DYNLT1: variants seen among roughly 807,000 people sequenced by gnomAD.
The protein encoded by DYNLT1 is dynein light chain Tctex-type 1.
Under a neutral mutation model 19.6 loss-of-function variants are expected in DYNLT1, and 18 were observed. That is an observed-to-expected ratio of 0.92 (90% CI 0.64 to 1.36). The LOEUF (loss-of-function observed/expected upper bound fraction) is 1.36. Among genes scored for constraint, DYNLT1 ranks in the 40% most tolerant of loss-of-function variants. The pLI, the probability that DYNLT1 is intolerant of heterozygous loss-of-function variation, is 0.00. For synonymous variants in DYNLT1, 56 were observed against 44.0 expected (o/e 1.27, Z -1.07); for missense variants, 137 against 139.3 (o/e 0.98, Z 0.08).
In DYNLT1 at chr6:158,636,792, G is replaced by A. The variant is rs1185418140; in HGVS notation, c.*35C>T. 6.3e-7 allele frequency: 1 copy of A among 1,590,360 alleles called. No homozygotes were observed. The highest frequency in any genetic ancestry group is 2.1e-4 in the Middle Eastern group (1 of 4,738). ...GCTGGTGGTTAGAGGATGAACTAGA[G>A]ACAAAAGGAGAAAGGCCATAGGCTG... On this transcript the variant is annotated 3_prime_UTR_variant, in exon 5 of 5. Coordinates refer to ENST00000367089, the MANE Select transcript of DYNLT1 (RefSeq NM_006519.4).
chr6:158,643,208 T>A (rs1189863632), intron 1 of DYNLT1, among the ~76,000 whole-genome samples: 1 of 152,200 alleles, frequency 6.6e-6, no homozygotes, highest in Non-Finnish European at 1.5e-5. Flanking sequence ...TTTTTAGAAG[T>A]TTTACTCGAT....
chr6:158,639,178 A>G (rs946019876), intron 2 of DYNLT1, among the ~76,000 whole-genome samples: 1 of 152,136 alleles, frequency 6.6e-6, no homozygotes, highest in Non-Finnish European at 1.5e-5. Flanking sequence ...AAACCTCCCT[A>G]GGTCACTCTG....
chr6:158,637,796 C>G lies in DYNLT1; in HGVS notation c.168G>C (p.Lys56Asn), dbSNP rs1334009516. 1.2e-6 allele frequency: 2 copies of G among 1,614,016 alleles called. No homozygotes were observed. The highest frequency in any genetic ancestry group is 1.7e-6 in the Non-Finnish European group (2 of 1,180,038). Residue 56 changes from lysine (K) to asparagine (N), a missense_variant, in exon 3 of 5, where the codon AAG becomes AAC. Physicochemically the swap from Lys to Asn is moderately conservative, Grantham distance 94. Coordinates refer to ENST00000367089, the MANE Select transcript of DYNLT1 (RefSeq NM_006519.4). The part of the protein sequence containing the change: ...VVEQTLSQLT[K>N]LGKPFKYIVT... ...CGATGTATTTAAATGGTTTTCCCAG[C>G]TTGGTGAGTTGGCTTAAAGTTTGTT...
Position 158,636,771 on chromosome 6 carries a change from G to C in DYNLT1, c.*56C>G. The C allele has an allele frequency of 6.5e-7, 1 of 1,530,646 alleles. No individual in the cohort carries two copies. The highest frequency in any genetic ancestry group is 1.2e-5 in the South Asian group (1 of 85,352). The allele number at this position is 1,530,646 out of a possible 1,614,324, so 94.8% of individuals were successfully genotyped here. A position where few individuals can be genotyped will look rare whatever the true frequency, so the allele number is the denominator to read the frequency against. On this transcript the variant is annotated 3_prime_UTR_variant, in exon 5 of 5. Transcript: ENST00000367089. ...AAAGAGTTCACTGAATTCATGGCTGGTGGTTAGAGGATGAACTAGAGACAA... is the reference window on the plus strand; with the variant it reads ...AAAGAGTTCACTGAATTCATGGCTGCTGGTTAGAGGATGAACTAGAGACAA...
Position 158,641,562 on chromosome 6 carries a change from ATTGTT to A in DYNLT1, c.28-207_28-203del, listed in dbSNP as rs369981273. ...GAATACATGCACATAATTTAAAGGT[ATTGTT>A]TTATTTTTATTTATTTATTTTTGAG... is the stretch of plus-strand genomic sequence containing the variant. On this transcript the variant is annotated intron_variant, in intron 1 of 4. Transcript: ENST00000367089. The A allele has an allele frequency of 1.2e-3, 478 of 407,186 alleles. 6 individuals carry two copies. In the East Asian group the frequency reaches 0.016, roughly 14 times the overall value. The allele number at this position is 407,186 out of a possible 1,614,324, so 25.2% of individuals were successfully genotyped here. A position where few individuals can be genotyped will look rare whatever the true frequency, so the allele number is the denominator to read the frequency against.
At position 158,636,834 on chromosome 6, in the gene DYNLT1, G is replaced by A; in HGVS notation, c.335C>T (p.Ser112Phe). 1 of 1,611,106 alleles carries A rather than the reference G, an allele frequency of 6.2e-7. No homozygotes were observed. The highest frequency in any genetic ancestry group is 8.5e-7 in the Non-Finnish European group (1 of 1,178,738). ...MYCIVSAFGLSI is the reference protein window; with the variant it reads ...MYCIVSAFGLFI Reference sequence around the variant, plus strand: ...CATAGGCTGGACTGCAGGTCAAATAGACAGTCCGAAGGCACTGACGATGCA... The same window carrying A: ...CATAGGCTGGACTGCAGGTCAAATAAACAGTCCGAAGGCACTGACGATGCA... The change falls in exon 5 of 5, where the codon TCT becomes TTT. Residue 112 changes from serine (S) to phenylalanine (F), a missense_variant. By Grantham distance (155) the Ser-to-Phe change is radical. Coordinates refer to ENST00000367089, the MANE Select transcript of DYNLT1 (RefSeq NM_006519.4).
At chr6:158,639,783 C>T (rs1340540320) in intron 2 of DYNLT1, among the ~76,000 whole-genome samples, 4 of 152,098 alleles carry the variant, frequency 2.6e-5, no homozygotes, top group South Asian at 2.1e-4. Flanking sequence ...CGGGTTCAAG[C>T]GATTCTCCTG....
chr6:158,637,355 A>C (rs1201379025), intron 3 of DYNLT1, 150 bp from the exon 4 acceptor site: 4 of 680,850 alleles, frequency 5.9e-6, no homozygotes, highest in African/African-American at 1.8e-5. Context: ...GTCTCACTAT[A>C]TTGACAAATT....
chr6:158,637,220 A>G lies in DYNLT1; in HGVS notation c.194-15T>C, dbSNP rs1392752790. On this transcript the variant is annotated splice_polypyrimidine_tract_variant and intron_variant, in intron 3 of 4. Transcript: ENST00000367089. ...TACACAGGTCACTTAAGTTAAAACA[A>G]ATTTTTGTTAGAGAAGTCTACTGGG... is the stretch of plus-strand genomic sequence containing the variant. 8 of 1,612,254 alleles carry G rather than the reference A, an allele frequency of 5.0e-6. No homozygotes were observed. In the East Asian group the frequency reaches 1.3e-4, roughly 27 times the overall value.
chr6:158,643,948 T>TC (rs1336450518), intron 1 of DYNLT1, among the ~76,000 whole-genome samples: 3 of 151,824 alleles, frequency 2.0e-5, no homozygotes, highest in Non-Finnish European at 1.5e-5. Flanking sequence ...TCAGCTCTAT[T>TC]CCCCGAATGA....
intron 1 of DYNLT1, 37 bp from the exon 2 acceptor site, chr6:158,641,397 TA>T: frequency 6.4e-7 from 1 of 1,551,998 alleles, no homozygotes; most frequent in Non-Finnish European, 8.7e-7. Flanking sequence ...TTGATTTATT[TA>T]AAAGATATTT....
chr6:158,642,560 C>G (rs1003380328), intron 1 of DYNLT1: 1 of 92,854 alleles, frequency 1.1e-5, no homozygotes, highest in Non-Finnish European at 2.1e-5. Flanking sequence ...GCAGGCCCTG[C>G]CCTTTCTTTT....
intron 1 of DYNLT1, among the ~76,000 whole-genome samples, chr6:158,642,948 G>A (rs1238845507): frequency 6.6e-6 from 1 of 152,176 alleles, no homozygotes; most frequent in African/African-American, 2.4e-5. Context: ...AGAAAAGGCT[G>A]CTAAGAGGCT....
chr6:158,641,449 T>C, intron 1 of DYNLT1, 89 bp from the exon 2 acceptor site: 1 of 1,192,286 alleles, frequency 8.4e-7, no homozygotes, highest in Non-Finnish European at 1.2e-6. Context: ...ATGAACATAA[T>C]GTAGAAATGA....
intron 2 of DYNLT1, 42 bp downstream of exon 2, chr6:158,641,277 T>A (rs764859195): frequency 6.5e-7 from 1 of 1,542,246 alleles, no homozygotes; most frequent in South Asian, 1.2e-5. Flanking sequence ...TTCTCTAATA[T>A]AAGCCATTAA....
At chr6:158,643,460 C>T (rs942995839) in intron 1 of DYNLT1, among the ~76,000 whole-genome samples, 3 of 152,138 alleles carry the variant, frequency 2.0e-5, no homozygotes, top group African/African-American at 7.2e-5. Flanking sequence ...TGAAAACATT[C>T]CTCCTTAAAC....
intron 2 of DYNLT1, among the ~76,000 whole-genome samples, chr6:158,639,268 G>C (rs1787086118): frequency 1.3e-5 from 2 of 152,144 alleles, no homozygotes; most frequent in African/African-American, 4.8e-5. Flanking sequence ...CTTACTTCTT[G>C]TCCTCGGCCA....
Position 158,639,590 on chromosome 6 carries a change from C to T in DYNLT1, c.70-1696G>A, listed in dbSNP as rs377743661. On this transcript the variant is annotated intron_variant, in intron 2 of 4. Transcript: ENST00000367089. ...CACTTGAGTACAGAATTACCTATTGCGGCGGCAAAAAAGCTGTTGAGGCCA... is the reference window on the plus strand; with the variant it reads ...CACTTGAGTACAGAATTACCTATTGTGGCGGCAAAAAAGCTGTTGAGGCCA... 5.1e-4 allele frequency among the ~76,000 whole-genome samples: 78 copies of T among 152,284 alleles called. 2 individuals are homozygous for T. In the South Asian group the frequency reaches 0.013, roughly 25 times the overall value.
Position 158,636,878 on chromosome 6 carries a change from C to T in DYNLT1, c.291G>A (p.Trp97Ter). The change falls in exon 5 of 5, where the codon TGG becomes TGA. Residue 97 changes from tryptophan to a stop codon, truncating the protein, a stop_gained. Coordinates refer to ENST00000367089, the MANE Select transcript of DYNLT1 (RefSeq NM_006519.4). LOFTEE classifies it high-confidence loss of function. Reference protein sequence around the residue: ...SSTDGSCTVRWENKTMYCIVS... With the variant: ...SSTDGSCTVR ...CGATGCAGTACATGGTCTTATTCTC[C>T]CATCGCACAGTGCAGCTCCCTGCGG... 3 of 1,613,596 alleles carry T rather than the reference C, an allele frequency of 1.9e-6. No individual in the cohort carries two copies. The highest frequency in any genetic ancestry group is 2.5e-6 in the Non-Finnish European group (3 of 1,179,776).
Sources: gnomAD v4.1 joint callset for allele counts (sites outside exome capture counted in the v4.1 genomes callset) on GRCh38, gnomAD v4.1.1 for gene constraint, MANE v1.5 for transcripts, NCBI Gene and HGNC (gene_info 2026-07-23, HGNC 2026-07-21) for gene names.